Variants in ZNF441 observed in about 807,000 individuals in gnomAD.
The protein encoded by ZNF441 is zinc finger protein 441.
Under a neutral mutation model 64.5 loss-of-function variants are expected in ZNF441, and 25 were observed. That is an observed-to-expected ratio of 0.39 (90% confidence interval 0.28 to 0.54). ZNF441 has a LOEUF of 0.54. ZNF441 is among the 20% of genes least tolerant of loss of function. ZNF441 has a pLI of 0.70. For synonymous variants in ZNF441, 262 were observed against 268.0 expected (o/e 0.98, Z 0.22); for missense variants, 715 against 843.3 (o/e 0.85, Z 1.88).
chr19:11,771,545 G>T (rs1975313425), intron 1 of ZNF441, among the ~76,000 whole-genome samples: 1 of 152,104 alleles, frequency 6.6e-6, no homozygotes. Flanking sequence ...TCATTAGTTG[G>T]CAGTAATTAC....
At chr19:11,770,621 A>G (rs7257287) in intron 1 of ZNF441, among the ~76,000 whole-genome samples, 23,044 of 151,956 alleles carry the variant, frequency 0.15, 3,743 homozygotes, top group African/African-American at 0.39. Flanking sequence ...TGTCCAGGCT[A>G]AAGTGCAGTA....
intron 1 of ZNF441, among the ~76,000 whole-genome samples, chr19:11,768,861 T>A (rs1038608748): frequency 9.2e-5 from 14 of 152,244 alleles, no homozygotes; most frequent in Admixed American, 7.9e-4. Flanking sequence ...TCCCTTCTGA[T>A]GTTCTCAGAC....
rs1353579719 is a variant in ZNF441, at chr19:11,781,847, G to A, written c.2023G>A (p.Glu675Lys). 15 of 1,609,746 alleles carry A rather than the reference G, an allele frequency of 9.3e-6. No homozygotes were observed. Among genetic ancestry groups the A allele is most frequent in the Non-Finnish European group, 8.5e-6 (10 of 1,177,336 alleles). The part of the protein sequence containing the change: ...HSMEKPYKCK[E>K]CGEAFHCISS... Reference sequence around the variant, plus strand: ...TATGGAGAAACCCTATAAGTGTAAAGAATGTGGGGAAGCATTTCATTGTAT... The same window carrying A: ...TATGGAGAAACCCTATAAGTGTAAAAAATGTGGGGAAGCATTTCATTGTAT... The change falls in exon 4 of 4, where the codon GAA becomes AAA. Residue 675 changes from glutamate to lysine, a missense_variant. Transcript: ENST00000357901.
rs762786775 is a variant in ZNF441, at chr19:11,777,619, G to A, written c.12G>A (p.Val4=). 8.1e-6 allele frequency: 13 copies of A among 1,612,468 alleles called. 1 individual carries two copies. The South Asian group carries it at 1.4e-4, about 18-fold the overall frequency. The change falls in exon 2 of 4, where the codon GTG becomes GTA. Residue 4 remains valine (V), a synonymous_variant. Transcript: ENST00000357901. ...CATGTGAAATATTTCAGGACTCAGT[G>A]GCATTTGAGGATGTGGCTATAAACT... is the stretch of plus-strand genomic sequence containing the variant. MDS[V]AFEDVAINFT... is the part of the protein sequence containing the mutation.
At chr19:11,770,932 C>CAA (rs33976066) in intron 1 of ZNF441, among the ~76,000 whole-genome samples, 32 of 120,070 alleles carry the variant, frequency 2.7e-4, no homozygotes, top group African/African-American at 6.2e-4. Context: ...AACTCTGTTT[C>CAA]AAAAAAAAAA....
In ZNF441 at chr19:11,783,963, A is replaced by G. The variant is rs574694807; in HGVS notation, c.*2057A>G. On this transcript the variant is annotated 3_prime_UTR_variant, in exon 4 of 4. Coordinates refer to ENST00000357901, the MANE Select transcript of ZNF441 (RefSeq NM_152355.3). Reference sequence around the variant, plus strand: ...AATACTCAAGATCATGGATACCCCAAATACGCTGACTTGACCATTACACAT... The same window carrying G: ...AATACTCAAGATCATGGATACCCCAGATACGCTGACTTGACCATTACACAT... 1 of 152,344 alleles carries G rather than the reference A, an allele frequency of 6.6e-6. No homozygotes were observed. The highest frequency in any genetic ancestry group is 2.4e-5 in the African/African-American group (1 of 41,584). 9.4% of individuals were successfully genotyped at this position (152,344 alleles called of 1,614,324 possible). A position where few individuals can be genotyped will look rare whatever the true frequency, so the allele number is the denominator to read the frequency against.
chr19:11,780,950 C>T lies in ZNF441; in HGVS notation c.1126C>T (p.Pro376Ser). Reference sequence around the variant, plus strand: ...GGTATGTGGGAAAGCCTTTGATTCTCCCAGTTTATGTCGAAGGCATGAAAC... The same window carrying T: ...GGTATGTGGGAAAGCCTTTGATTCTTCCAGTTTATGTCGAAGGCATGAAAC... ...CKVCGKAFDS[P>S]SLCRRHETTH... is the part of the protein sequence containing the mutation. Residue 376 changes from proline to serine, a missense_variant, in exon 4 of 4, where the codon CCC (proline) becomes TCC (serine). Transcript: ENST00000357901. 6.2e-7 allele frequency: 1 copy of T among 1,613,470 alleles called. No homozygotes were observed. The highest frequency in any genetic ancestry group is 8.5e-7 in the Non-Finnish European group (1 of 1,179,874).
In ZNF441 at chr19:11,781,995, G is replaced by A; in HGVS notation, c.*89G>A. ...ACATAAGAGACTCACACTGAAAAAAGTTGTATGAATATAAAAATGTACTAA... is the reference window on the plus strand; with the variant it reads ...ACATAAGAGACTCACACTGAAAAAAATTGTATGAATATAAAAATGTACTAA... On this transcript the variant is annotated 3_prime_UTR_variant, in exon 4 of 4. Transcript: ENST00000357901. 9.0e-7 allele frequency: 1 copy of A among 1,117,256 alleles called. No individual in the cohort carries two copies. Among genetic ancestry groups the A allele is most frequent in the Non-Finnish European group, 1.2e-6 (1 of 825,480 alleles). 69.2% of individuals were successfully genotyped at this position (1,117,256 alleles called of 1,614,324 possible). A position where few individuals can be genotyped will look rare whatever the true frequency, so the allele number is the denominator to read the frequency against.
chr19:11,772,078 T>C (rs1213314416), intron 1 of ZNF441, among the ~76,000 whole-genome samples: 1 of 152,178 alleles, frequency 6.6e-6, no homozygotes, highest in African/African-American at 2.4e-5. Context: ...GCGTAAGCTG[T>C]CTTTCTCTCT....
intron 1 of ZNF441, among the ~76,000 whole-genome samples, chr19:11,775,628 C>CT (rs34732395): frequency 0.44 from 48,950 of 110,554 alleles, 12,746 homozygotes; most frequent in African/African-American, 0.65. Context: ...CGCGCCCAGC[C>CT]TTTTTTTTTT....
rs1261851435 is a variant in ZNF441, at chr19:11,782,436, T to TC, written c.*531dup. 1 of 152,300 alleles carries TC rather than the reference T, an allele frequency of 6.6e-6. No homozygotes were observed. The highest frequency in any genetic ancestry group is 1.9e-4 in the East Asian group (1 of 5,206). The allele number at this position is 152,300 out of a possible 1,614,324, so 9.4% of individuals were successfully genotyped here. A position where few individuals can be genotyped will look rare whatever the true frequency, so the allele number is the denominator to read the frequency against. On this transcript the variant is annotated 3_prime_UTR_variant, in exon 4 of 4. Transcript: ENST00000357901. ...TAATCTAGGCACATTTTTCTGTATATCTTAAATCATTTCTAGATTACTTAT... is the reference window on the plus strand; with the variant it reads ...TAATCTAGGCACATTTTTCTGTATATCCTTAAATCATTTCTAGATTACTTAT...
rs1411032536 is a variant in ZNF441, at chr19:11,781,267, A to G, written c.1443A>G (p.Gly481=). ...GEKPYECKQC[G]KALSHLKSFQ... Reference sequence around the variant, plus strand: ...AGCCCTATGAATGTAAGCAGTGTGGAAAAGCACTTTCTCATCTGAAAAGCT... The same window carrying G: ...AGCCCTATGAATGTAAGCAGTGTGGGAAAGCACTTTCTCATCTGAAAAGCT... The change falls in exon 4 of 4, where the codon GGA becomes GGG. Residue 481 remains glycine (G), a synonymous_variant. Coordinates refer to ENST00000357901, the MANE Select transcript of ZNF441 (RefSeq NM_152355.3). 3 of 1,611,972 alleles carry G rather than the reference A, an allele frequency of 1.9e-6. No individual in the cohort carries two copies. The highest frequency in any genetic ancestry group is 3.3e-5 in the Admixed American group (2 of 59,852).
rs549791231 is a variant in ZNF441 at position 11,783,180 on chromosome 19, G to A, written c.*1274G>A. On this transcript the variant is annotated 3_prime_UTR_variant, in exon 4 of 4. Transcript: ENST00000357901. ...AAGAAGACATGCAAATGGCCAAAAA[G>A]TATATGGAAATATGTTCAACATCAC... 6.6e-6 allele frequency: 1 copy of A among 152,130 alleles called. No homozygotes were observed. The highest frequency in any genetic ancestry group is 1.5e-5 in the Non-Finnish European group (1 of 68,008). The allele number at this position is 152,130 out of a possible 1,614,324, so 9.4% of individuals were successfully genotyped here. A position where few individuals can be genotyped will look rare whatever the true frequency, so the allele number is the denominator to read the frequency against.
chr19:11,776,637 T>C (rs960725080), intron 1 of ZNF441, among the ~76,000 whole-genome samples: 6 of 152,206 alleles, frequency 3.9e-5, no homozygotes, highest in African/African-American at 1.4e-4. Context: ...ATTTTTCCAT[T>C]GGGATGGTAA....
At chr19:11,771,688 T>C (rs148763045) in intron 1 of ZNF441, among the ~76,000 whole-genome samples, 23,011 of 152,170 alleles carry the variant, frequency 0.15, 3,726 homozygotes, top group African/African-American at 0.39. Flanking sequence ...CTGTTATGCC[T>C]GGACAGGGCC....
chr19:11,776,353 T>A (rs1286627266), intron 1 of ZNF441, among the ~76,000 whole-genome samples: 3 of 152,206 alleles, frequency 2.0e-5, no homozygotes, highest in African/African-American at 7.2e-5. Flanking sequence ...TATCTCTGTG[T>A]TAATAGTACA....
At chr19:11,779,379 T>C (rs1806079289) in intron 3 of ZNF441, among the ~76,000 whole-genome samples, 1 of 150,526 alleles carries the variant, frequency 6.6e-6, no homozygotes, top group African/African-American at 2.4e-5. Flanking sequence ...CTCACCCTTG[T>C]AATCCCAGCA....
At chr19:11,772,463 T>G (rs918188388) in intron 1 of ZNF441, among the ~76,000 whole-genome samples, 4 of 152,210 alleles carry the variant, frequency 2.6e-5, no homozygotes, top group East Asian at 1.9e-4. Flanking sequence ...CCCAGCACTT[T>G]TAGCTGCTAG....
chr19:11,778,451 A>T, intron 3 of ZNF441, 58 bp downstream of exon 3: 1 of 1,312,204 alleles, frequency 7.6e-7, no homozygotes, highest in Middle Eastern at 2.0e-4. Context: ...GTATGCCAGA[A>T]ATTTTATTTT....
Sources: gnomAD v4.1 joint callset for allele counts (sites outside exome capture counted in the v4.1 genomes callset) on GRCh38, gnomAD v4.1.1 for gene constraint, MANE v1.5 for transcripts, NCBI Gene and HGNC (gene_info 2026-07-23, HGNC 2026-07-21) for gene names.